The following GALNT13 variants were observed in gnomAD, a reference collection of about 807,000 sequenced individuals.
GALNT13 encodes the protein polypeptide N-acetylgalactosaminyltransferase 13, also known as UDP-GalNAc:polypeptide N-acetylgalactosaminyltransferase 13.
A neutral mutation model predicts 64.2 loss-of-function variants in GALNT13; 28 were observed. The observed-to-expected ratio is 0.44, with a 90% CI of 0.32 to 0.60. The LOEUF (loss-of-function observed/expected upper bound fraction) is 0.60. GALNT13 is among the 20% of genes least tolerant of loss of function. GALNT13 has a pLI of 0.05. For missense variants in GALNT13, 577 were observed against 669.8 expected, an observed-to-expected ratio of 0.86 and a Z score of 1.53; for synonymous variants, 214 against 224.6, an observed-to-expected ratio of 0.95 and a Z score of 0.42.
chr2:154,021,708 G>A (rs1330594658), intron 3 of GALNT13, among the ~76,000 whole-genome samples: 1 of 151,724 alleles, frequency 6.6e-6, no homozygotes, highest in Non-Finnish European at 1.5e-5. Context: ...TCTCCTGCCT[G>A]ATTGCCCTGG....
intron 3 of GALNT13, among the ~76,000 whole-genome samples, chr2:154,119,570 T>C (rs983907657): frequency 2.6e-5 from 4 of 152,042 alleles, no homozygotes; most frequent in Non-Finnish European, 5.9e-5. Context: ...AAAGACTTGT[T>C]CTAGTGAAGG....
intron 3 of GALNT13, among the ~76,000 whole-genome samples, chr2:154,095,901 A>G (rs1702050312): frequency 6.6e-6 from 1 of 151,968 alleles, no homozygotes; most frequent in Non-Finnish European, 1.5e-5. Flanking sequence ...AGCTCCTATA[A>G]ACCACAAAAT....
At chr2:153,630,799 ATATATATATT>A in the GALNT13 span, among the ~76,000 whole-genome samples, 113 of 16,104 alleles carry the variant, frequency 7.0e-3, no homozygotes, top group Admixed American at 0.032. Context: ...ATATATATAT[ATATATATATT>A]TTTTTTTTTT....
intron 3 of GALNT13, among the ~76,000 whole-genome samples, chr2:154,131,646 C>T (rs11894668): frequency 6.6e-6 from 1 of 152,110 alleles, no homozygotes; most frequent in East Asian, 1.9e-4. Context: ...TCGTTAATAC[C>T]TAGCTAAAAT....
At chr2:154,384,988 G>A (rs1698439850) in intron 9 of GALNT13, among the ~76,000 whole-genome samples, 1 of 151,636 alleles carries the variant, frequency 6.6e-6, no homozygotes, top group Admixed American at 6.6e-5. Context: ...TTAGAGATGG[G>A]AAAACATATT....
At chr2:153,177,778 C>G in the GALNT13 span, among the ~76,000 whole-genome samples, 1 of 152,080 alleles carries the variant, frequency 6.6e-6, no homozygotes, top group Non-Finnish European at 1.5e-5. Context: ...TTATTATTTA[C>G]TATATTGATT....
chr2:153,792,193 G>C, the GALNT13 span, among the ~76,000 whole-genome samples: 1 of 152,064 alleles, frequency 6.6e-6, no homozygotes. Flanking sequence ...TCAGTCCTCT[G>C]TATTTGGTGG....
the GALNT13 span, among the ~76,000 whole-genome samples, chr2:153,314,720 G>A: frequency 2.3e-5 from 3 of 130,046 alleles, no homozygotes; most frequent in Admixed American, 2.2e-4. Context: ...ATAATACTTT[G>A]AGATAAACAA....
At chr2:153,349,086 TC>T in the GALNT13 span, among the ~76,000 whole-genome samples, 1 of 152,216 alleles carries the variant, frequency 6.6e-6, no homozygotes, top group Admixed American at 6.5e-5. Context: ...TGTCTTAGAT[TC>T]CACCTAATGG....
the GALNT13 span, among the ~76,000 whole-genome samples, chr2:153,854,525 G>A: frequency 6.6e-6 from 1 of 152,018 alleles, no homozygotes; most frequent in East Asian, 1.9e-4. Flanking sequence ...AGGTTGCAGT[G>A]AGCTGAGATC....
the GALNT13 span, chr2:153,423,551 G>C: frequency 2.0e-5 from 3 of 151,762 alleles, no homozygotes; most frequent in African/African-American, 7.2e-5. Flanking sequence ...ATATAAAACT[G>C]TCATCATTTG....
At chr2:154,319,826 T>C (rs762595623) in intron 9 of GALNT13, among the ~76,000 whole-genome samples, 1 of 152,104 alleles carries the variant, frequency 6.6e-6, no homozygotes, top group Non-Finnish European at 1.5e-5. Flanking sequence ...GTAACATATT[T>C]TGATTTATTT....
At chr2:153,669,503 A>G in the GALNT13 span, among the ~76,000 whole-genome samples, 13 of 152,354 alleles carry the variant, frequency 8.5e-5, no homozygotes, top group South Asian at 2.5e-3. Context: ...TAAGACTAAA[A>G]TAGAAGTTAA....
the GALNT13 span, among the ~76,000 whole-genome samples, chr2:153,696,026 G>A: frequency 1.4e-3 from 214 of 152,206 alleles, 1 homozygote; most frequent in African/African-American, 4.7e-3. Context: ...ATATAAAGGG[G>A]AGTTTATTAA....
intron 3 of GALNT13, among the ~76,000 whole-genome samples, chr2:153,946,436 A>G (rs1266278255): frequency 6.6e-6 from 1 of 152,064 alleles, no homozygotes. Context: ...TTGTTATTTT[A>G]CTTCATTCAG....
At chr2:153,462,800 A>G in the GALNT13 span, among the ~76,000 whole-genome samples, 1 of 152,132 alleles carries the variant, frequency 6.6e-6, no homozygotes, top group Non-Finnish European at 1.5e-5. Flanking sequence ...TAAATATGAA[A>G]GCGATGGAGA....
chr2:153,514,809 A>T, the GALNT13 span, among the ~76,000 whole-genome samples: 17 of 152,298 alleles, frequency 1.1e-4, no homozygotes, highest in Admixed American at 3.3e-4. Context: ...TGGATCCTGC[A>T]GTGCCTAACA....
intron 9 of GALNT13, among the ~76,000 whole-genome samples, chr2:154,308,425 C>T (rs1385530883): frequency 6.6e-6 from 1 of 152,058 alleles, no homozygotes; most frequent in Non-Finnish European, 1.5e-5. Context: ...TTTTGACATG[C>T]TGATATTTTG....
the GALNT13 span, among the ~76,000 whole-genome samples, chr2:153,244,395 A>G: frequency 1.3e-5 from 2 of 152,216 alleles, no homozygotes; most frequent in Non-Finnish European, 2.9e-5. Context: ...TCTTGTCTGC[A>G]GCTCCCATTG....
Sources: gnomAD v4.1 joint callset for allele counts (sites outside exome capture counted in the v4.1 genomes callset) on GRCh38, gnomAD v4.1.1 for gene constraint, MANE v1.5 for transcripts, NCBI Gene and HGNC (gene_info 2026-07-23, HGNC 2026-07-21) for gene names.